Variants in DGKB observed in about 807,000 individuals in gnomAD.
DGKB encodes diacylglycerol kinase beta.
In DGKB, 67 loss-of-function variants were observed where a neutral mutation model predicts 114.3. The observed-to-expected ratio is 0.59, with a 90% CI of 0.48 to 0.72. The LOEUF (loss-of-function observed/expected upper bound fraction) is 0.72, where lower values mean the gene tolerates loss of function less well. Ranked by LOEUF, DGKB falls within the 30% of genes least tolerant of loss-of-function variation. The probability of loss-of-function intolerance (pLI) is 0.00; values close to 1 mark genes in which losing one functional copy is unlikely to be tolerated. For missense variants in DGKB, 907 were observed against 975.2 expected (o/e 0.93, Z 0.93); for synonymous variants, 398 against 323.1 (o/e 1.23, Z -2.49).
chr7:14,720,029 T>A (rs1223767866), intron 5 of DGKB, among the ~76,000 whole-genome samples: 1 of 152,100 alleles, frequency 6.6e-6, no homozygotes, highest in African/African-American at 2.4e-5. Context: ...TACAAACTAT[T>A]TTTGTTCAAG....
At chr7:14,874,841 T>C (rs983506701) in intron 1 of DGKB, among the ~76,000 whole-genome samples, 40 of 152,264 alleles carry the variant, frequency 2.6e-4, no homozygotes, top group African/African-American at 9.1e-4. Flanking sequence ...TTAGATCACA[T>C]AGTCCCCTGC....
At chr7:14,361,283 G>C (rs1408117273) in intron 21 of DGKB, among the ~76,000 whole-genome samples, 2 of 151,936 alleles carry the variant, frequency 1.3e-5, no homozygotes, top group Non-Finnish European at 2.9e-5. Context: ...CTAATGCTAT[G>C]GAAGAGTGGT....
intron 23 of DGKB, among the ~76,000 whole-genome samples, chr7:14,312,957 G>T (rs1177794683): frequency 1.3e-5 from 2 of 152,124 alleles, no homozygotes; most frequent in African/African-American, 4.8e-5. Flanking sequence ...TAACAGAACT[G>T]ATATTATTTT....
intron 20 of DGKB, among the ~76,000 whole-genome samples, chr7:14,497,065 T>A (rs959889359): frequency 4.0e-5 from 6 of 151,832 alleles, no homozygotes; most frequent in African/African-American, 1.4e-4. Context: ...AGGCCACTAT[T>A]CTAAGTGAAG....
At chr7:14,614,634 T>C (rs1157243275) in intron 15 of DGKB, among the ~76,000 whole-genome samples, 5 of 151,878 alleles carry the variant, frequency 3.3e-5, no homozygotes, top group African/African-American at 7.3e-5. Flanking sequence ...CATATTTTCC[T>C]CCACTTCTTT....
chr7:14,771,251 G>C (rs1404458005), intron 2 of DGKB, among the ~76,000 whole-genome samples: 1 of 152,114 alleles, frequency 6.6e-6, no homozygotes, highest in African/African-American at 2.4e-5. Context: ...TAGACATATA[G>C]CTAAGAAGGT....
At chr7:14,281,977 C>G (rs1164328082) in intron 23 of DGKB, among the ~76,000 whole-genome samples, 128 of 126,070 alleles carry the variant, frequency 1.0e-3, no homozygotes, top group African/African-American at 3.8e-3. Flanking sequence ...CAAACACATT[C>G]AAAAGCTAGC....
At chr7:14,591,004 G>A (rs1422283487) in intron 17 of DGKB, among the ~76,000 whole-genome samples, 1 of 152,042 alleles carries the variant, frequency 6.6e-6, no homozygotes, top group African/African-American at 2.4e-5. Flanking sequence ...GCGGACAATT[G>A]GGAGACCTGC....
chr7:14,180,525 A>G (rs995349251), intron 23 of DGKB, among the ~76,000 whole-genome samples: 2 of 152,214 alleles, frequency 1.3e-5, no homozygotes, highest in African/African-American at 4.8e-5. Flanking sequence ...TGCTAACACA[A>G]ATAATTTTAT....
At chr7:14,500,490 T>C (rs1452435490) in intron 20 of DGKB, among the ~76,000 whole-genome samples, 2 of 151,692 alleles carry the variant, frequency 1.3e-5, no homozygotes, top group Non-Finnish European at 3.0e-5. Flanking sequence ...TTTTTTGCTA[T>C]CATCTTTCCT....
intron 6 of DGKB, among the ~76,000 whole-genome samples, chr7:14,705,739 A>G (rs1016711377): frequency 4.0e-5 from 6 of 151,626 alleles, no homozygotes; most frequent in Non-Finnish European, 8.8e-5. Flanking sequence ...AAGGAGAAAT[A>G]AAATACTTTA....
intron 20 of DGKB, among the ~76,000 whole-genome samples, chr7:14,566,302 A>G (rs1422968711): frequency 2.6e-5 from 4 of 152,166 alleles, no homozygotes. Flanking sequence ...TTTACTCTAA[A>G]TAAACTGAAA....
chr7:14,454,453 G>A (rs1219264913), intron 21 of DGKB, among the ~76,000 whole-genome samples: 1 of 152,058 alleles, frequency 6.6e-6, no homozygotes, highest in Non-Finnish European at 1.5e-5. Flanking sequence ...AATAGTTGCA[G>A]TAACTCTGTG....
chr7:14,854,071 A>G (rs1179980208), intron 1 of DGKB, among the ~76,000 whole-genome samples: 1 of 152,084 alleles, frequency 6.6e-6, no homozygotes, highest in East Asian at 1.9e-4. Flanking sequence ...TACTGTTTCC[A>G]AAAGTCTATC....
At position 14,177,691 on chromosome 7, in the gene DGKB, C is replaced by T. The variant is rs552443891; in HGVS notation, c.2243+340G>A. ...ATGAAATGATTTAAGTCAATGGTGT[C>T]TCATCATTGTTTTCATAGATAATTT... is the stretch of plus-strand genomic sequence containing the variant. On this transcript the variant is annotated intron_variant, in intron 24 of 25. Coordinates refer to ENST00000402815, the MANE Select transcript of DGKB (RefSeq NM_001350709.2). Among the ~76,000 whole-genome samples the T allele has an allele frequency of 2.0e-5, 3 of 151,644 alleles. No homozygotes were observed. In the East Asian group the frequency reaches 5.8e-4, roughly 30 times the overall value.
At position 14,220,992 on chromosome 7, in the gene DGKB, C is replaced by G. The variant is rs1302417898; in HGVS notation, c.2123-42841G>C. Among the ~76,000 whole-genome samples, 16 of 151,194 alleles carry G rather than the reference C, an allele frequency of 1.1e-4. No homozygotes were observed. The East Asian group carries it at 2.9e-3, about 28-fold the overall frequency. ...GTTGTGTTGCAAGGGTCTAGAAATACAATTGATTCCTACCTATTGATCTTG... is the reference window on the plus strand; with the variant it reads ...GTTGTGTTGCAAGGGTCTAGAAATAGAATTGATTCCTACCTATTGATCTTG... On this transcript the variant is annotated intron_variant, in intron 23 of 25. Coordinates refer to ENST00000402815, the MANE Select transcript of DGKB (RefSeq NM_001350709.2).
intron 2 of DGKB, among the ~76,000 whole-genome samples, chr7:14,807,160 T>G (rs1028313694): frequency 6.6e-6 from 1 of 152,040 alleles, no homozygotes; most frequent in Non-Finnish European, 1.5e-5. Context: ...ATTCCCTCCG[T>G]GTCTCTTTCT....
chr7:14,572,838 T>C (rs1317475437), intron 20 of DGKB, among the ~76,000 whole-genome samples: 3 of 152,160 alleles, frequency 2.0e-5, no homozygotes, highest in Non-Finnish European at 4.4e-5. Flanking sequence ...TTAAAAATTA[T>C]TTTCCCATAA....
At chr7:14,341,819 T>G (rs1811650197) in intron 22 of DGKB, among the ~76,000 whole-genome samples, 1 of 151,876 alleles carries the variant, frequency 6.6e-6, no homozygotes, top group African/African-American at 2.4e-5. Context: ...ACATGTCAGT[T>G]GATAGGACTA....
Sources: gnomAD v4.1 joint callset for allele counts (sites outside exome capture counted in the v4.1 genomes callset) on GRCh38, gnomAD v4.1.1 for gene constraint, MANE v1.5 for transcripts, NCBI Gene and HGNC (gene_info 2026-07-23, HGNC 2026-07-21) for gene names.